The following ARID1B variants were observed in gnomAD, a reference collection of about 807,000 sequenced individuals.
ARID1B encodes the protein AT-rich interactive domain-containing protein 1B.
In ARID1B, 30 loss-of-function variants were observed where a neutral mutation model predicts 212.3. The ratio of observed to expected loss-of-function variants is 0.14; its 90% CI spans 0.11 to 0.19. ARID1B has a LOEUF of 0.19. ARID1B is among the 10% of genes least tolerant of loss of function. ARID1B has a pLI of 1.00. For missense variants in ARID1B, 2,891 were observed against 3,204.0 expected (o/e 0.90, Z 2.36); for synonymous variants, 1,402 against 1,301.7 (o/e 1.08, Z -1.66).
chr6:157,021,511 G>A (rs1780258403), intron 4 of ARID1B, among the ~76,000 whole-genome samples: 1 of 152,206 alleles, frequency 6.6e-6, no homozygotes, highest in Non-Finnish European at 1.5e-5. Context: ...GGGGGTTCCG[G>A]TGCCGCCCTC....
chr6:157,004,908 T>G lies in ARID1B; in HGVS notation c.2247+69332T>G, dbSNP rs1253430318. Among the ~76,000 whole-genome samples the G allele has an allele frequency of 1.2e-4, 14 of 112,696 alleles. 1 individual carries two copies. The highest frequency in any genetic ancestry group is 4.9e-4 in the African/African-American group (12 of 24,620). The allele number at this position is 112,696 out of a possible 152,430, so 73.9% of individuals were successfully genotyped here. On this transcript the variant is annotated intron_variant, in intron 4 of 19. Transcript: ENST00000636930. Reference sequence around the variant, plus strand: ...TCTTCTTCTTTTTTCTTTTTTTTTTTTTTTTTTTTTTTTTTTTTTTTTTGA... The same window carrying G: ...TCTTCTTCTTTTTTCTTTTTTTTTTGTTTTTTTTTTTTTTTTTTTTTTTGA...
chr6:157,172,641 A>C (rs1319533050), intron 9 of ARID1B: 2 of 152,144 alleles, frequency 1.3e-5, no homozygotes, highest in African/African-American at 4.8e-5. Context: ...GATGCTAACG[A>C]TATTAGCAAA....
At chr6:156,834,735 AGCAGAT>A (rs1418206463) in intron 2 of ARID1B, among the ~76,000 whole-genome samples, 13 of 152,216 alleles carry the variant, frequency 8.5e-5, no homozygotes. Flanking sequence ...GAGGCCCTTC[AGCAGAT>A]TGCAGATTTT....
intron 16 of ARID1B, among the ~76,000 whole-genome samples, chr6:157,196,738 GGT>G (rs1793757504): frequency 6.6e-6 from 1 of 152,196 alleles, no homozygotes; most frequent in South Asian, 2.1e-4. Context: ...CCTGTGCAGT[GGT>G]AGCCACACTG....
intron 4 of ARID1B, among the ~76,000 whole-genome samples, chr6:157,049,289 C>G (rs1782438048): frequency 6.6e-6 from 1 of 152,130 alleles, no homozygotes; most frequent in South Asian, 2.1e-4. Flanking sequence ...AGCCTTCTCT[C>G]TCTCTGGCCA....
chr6:157,031,845 G>A (rs1179475524), intron 4 of ARID1B, among the ~76,000 whole-genome samples: 1 of 151,866 alleles, frequency 6.6e-6, no homozygotes. Context: ...AGGCTGGATG[G>A]AGTGCAATGG....
chr6:156,949,277 A>C (rs1322893872), intron 4 of ARID1B, among the ~76,000 whole-genome samples: 2 of 145,088 alleles, frequency 1.4e-5, no homozygotes, highest in African/African-American at 4.9e-5. Context: ...TAGGGGTATC[A>C]GATATATATA....
intron 11 of ARID1B, among the ~76,000 whole-genome samples, chr6:157,179,651 T>C (rs140944958): frequency 0.014 from 2,169 of 152,330 alleles, 37 homozygotes; most frequent in Non-Finnish European, 0.022. Context: ...CCATTACATA[T>C]TTGATAAAGA....
chr6:156,897,231 C>CTTATTA (rs2128203390), intron 2 of ARID1B, among the ~76,000 whole-genome samples: 1 of 85,516 alleles, frequency 1.2e-5, no homozygotes, highest in African/African-American at 4.5e-5. Context: ...TCTTCTTCTT[C>CTTATTA]TTCTTCTTCT....
In ARID1B at chr6:156,777,473, A is replaced by G. The variant is rs1171106481; in HGVS notation, c.-208A>G. On this transcript the variant is annotated 5_prime_UTR_variant, in exon 1 of 20. Transcript: ENST00000636930. Reference sequence around the variant, plus strand: ...AAAAGTTTCATTTAAACCTGAACTAAAAACTTTCACCATGAAAGCACACAG... The same window carrying G: ...AAAAGTTTCATTTAAACCTGAACTAGAAACTTTCACCATGAAAGCACACAG... 6.6e-6 allele frequency: 1 copy of G among 150,736 alleles called. No homozygotes were observed. Among genetic ancestry groups the G allele is most frequent in the Non-Finnish European group, 1.5e-5 (1 of 67,668 alleles). 9.3% of individuals were successfully genotyped at this position (150,736 alleles called of 1,614,324 possible).
intron 4 of ARID1B, among the ~76,000 whole-genome samples, chr6:156,997,331 T>G (rs1021093583): frequency 6.6e-6 from 1 of 152,238 alleles, no homozygotes; most frequent in African/African-American, 2.4e-5. Context: ...CCCTGCACTC[T>G]GTGTTACAGC....
At chr6:156,938,694 C>G (rs867397481) in intron 4 of ARID1B, 1 of 152,078 alleles carries the variant, frequency 6.6e-6, no homozygotes, top group Admixed American at 6.6e-5. Flanking sequence ...CTACCTGTAT[C>G]CTAAGTAGAT....
intron 4 of ARID1B, among the ~76,000 whole-genome samples, chr6:157,033,562 C>T (rs2128499828): frequency 6.6e-6 from 1 of 152,206 alleles, no homozygotes; most frequent in African/African-American, 2.4e-5. Flanking sequence ...TTCAGGAATT[C>T]TTGTTTTCCC....
At chr6:157,138,687 G>T (rs933647676) in intron 7 of ARID1B, among the ~76,000 whole-genome samples, 1 of 152,178 alleles carries the variant, frequency 6.6e-6, no homozygotes, top group Non-Finnish European at 1.5e-5. Context: ...ACTAGATTCT[G>T]TGCAGGTCAC....
chr6:157,176,079 T>G (rs1375604671), intron 11 of ARID1B, among the ~76,000 whole-genome samples: 1 of 152,198 alleles, frequency 6.6e-6, no homozygotes, highest in Non-Finnish European at 1.5e-5. Flanking sequence ...CCTGAAGGCT[T>G]GAAGAGTTGG....
chr6:156,926,042 C>G (rs1791191329), intron 3 of ARID1B, among the ~76,000 whole-genome samples: 1 of 152,126 alleles, frequency 6.6e-6, no homozygotes, highest in African/African-American at 2.4e-5. Flanking sequence ...TGTCTGAACT[C>G]AAAGATTCAA....
intron 4 of ARID1B, among the ~76,000 whole-genome samples, chr6:157,080,340 T>G (rs544206874): frequency 2.0e-5 from 3 of 152,246 alleles, no homozygotes; most frequent in Non-Finnish European, 4.4e-5. Flanking sequence ...CAGTATTGAC[T>G]GAATTTATCC....
At chr6:157,031,909 G>C (rs1045779995) in intron 4 of ARID1B, among the ~76,000 whole-genome samples, 1 of 151,994 alleles carries the variant, frequency 6.6e-6, no homozygotes, top group Admixed American at 6.6e-5. Context: ...TCCTGCCTCA[G>C]CCTCAGCCTC....
chr6:157,093,801 T>C (rs977703960), intron 5 of ARID1B, among the ~76,000 whole-genome samples: 2 of 152,216 alleles, frequency 1.3e-5, no homozygotes, highest in African/African-American at 2.4e-5. Flanking sequence ...CCAGGAGATA[T>C]CCTGTGGAAA....
Sources: gnomAD v4.1 joint callset for allele counts (sites outside exome capture counted in the v4.1 genomes callset) on GRCh38, gnomAD v4.1.1 for gene constraint, MANE v1.5 for transcripts, NCBI Gene and HGNC (gene_info 2026-07-23, HGNC 2026-07-21) for gene names.